SKI: variants seen among roughly 807,000 people sequenced by gnomAD.
SKI encodes SKI proto-oncogene, also known as ski oncogene.
A neutral mutation model predicts 59.3 loss-of-function variants in SKI; 23 were observed. The ratio of observed to expected loss-of-function variants is 0.39; its 90% CI spans 0.28 to 0.55. SKI has a LOEUF of 0.55. Among genes scored for constraint, SKI ranks in the 20% least tolerant of loss-of-function variants. SKI has a pLI of 0.67. For missense variants in SKI, 1,017 were observed against 1,038.9 expected, an observed-to-expected ratio of 0.98 and a Z score of 0.29; for synonymous variants, 673 against 488.6, an observed-to-expected ratio of 1.38 and a Z score of -4.98.
chr1:2,258,699 C>CAT (rs1639323682), intron 1 of SKI, among the ~76,000 whole-genome samples: 1 of 151,992 alleles, frequency 6.6e-6, no homozygotes, highest in South Asian at 2.1e-4. Flanking sequence ...GGATTATAGG[C>CAT]GCCTGCCACC....
In SKI at chr1:2,304,570, G is replaced by T; in HGVS notation, c.1752G>T (p.Lys584Asn). The T allele has an allele frequency of 6.4e-7, 1 of 1,559,680 alleles. No individual in the cohort carries two copies. The change falls in exon 5 of 7, where the codon AAG becomes AAT. Residue 584 changes from lysine (K) to asparagine (N), a missense_variant. Transcript: ENST00000378536. Reference sequence around the variant, plus strand: ...AGCTCAGCGCAGCCCTGCAGGCCAAGCGCAGCCTCCACCAGGTGAGCGGGG... The same window carrying T: ...AGCTCAGCGCAGCCCTGCAGGCCAATCGCAGCCTCCACCAGGTGAGCGGGG... ...EEKLSAALQAKRSLHQELEFL... is the reference protein window; with the variant it reads ...EEKLSAALQANRSLHQELEFL...
chr1:2,241,205 G>A (rs1351443535), intron 1 of SKI, among the ~76,000 whole-genome samples: 1 of 152,224 alleles, frequency 6.6e-6, no homozygotes, highest in African/African-American at 2.4e-5. Flanking sequence ...TCATTTTACT[G>A]TCATTATGAA....
At chr1:2,299,706 T>TC (rs1640377346) in intron 1 of SKI, among the ~76,000 whole-genome samples, 2 of 152,164 alleles carry the variant, frequency 1.3e-5, no homozygotes, top group South Asian at 4.1e-4. Context: ...ACCTCCAGAC[T>TC]CCCTTTCCTT....
In SKI at chr1:2,304,398, ATGC is replaced by A. The variant is rs863223725; in HGVS notation, c.1584_1586del (p.Ala530del). On this transcript the variant is annotated inframe_deletion, in exon 5 of 7. Coordinates refer to ENST00000378536, the MANE Select transcript of SKI (RefSeq NM_003036.4). ...CGTGCCCTGCCCTCGGCCGTCCCTG[ATGC>A]TGCGGCCCCTGCCGACGCCCCCAGT... 17 of 1,552,824 alleles carry A rather than the reference ATGC, an allele frequency of 1.1e-5. No homozygotes were observed. The highest frequency in any genetic ancestry group is 1.5e-5 in the Non-Finnish European group (17 of 1,148,244).
chr1:2,241,973 C>T (rs917537084), intron 1 of SKI, among the ~76,000 whole-genome samples: 5 of 146,828 alleles, frequency 3.4e-5, no homozygotes, highest in African/African-American at 7.5e-5. Context: ...GTGTGTGTGC[C>T]TGTGTGTGCC....
At chr1:2,294,235 C>T (rs1640233983) in intron 1 of SKI, among the ~76,000 whole-genome samples, 1 of 152,236 alleles carries the variant, frequency 6.6e-6, no homozygotes, top group African/African-American at 2.4e-5. Context: ...CTGTGAGTCA[C>T]AGCCAGGATG....
chr1:2,299,742 G>A (rs540527981), intron 1 of SKI, among the ~76,000 whole-genome samples: 4 of 152,270 alleles, frequency 2.6e-5, no homozygotes, highest in African/African-American at 9.6e-5. Flanking sequence ...CCAGCGTTTC[G>A]CCCTGAGCAT....
At chr1:2,246,387 T>C (rs1638995294) in intron 1 of SKI, among the ~76,000 whole-genome samples, 1 of 152,190 alleles carries the variant, frequency 6.6e-6, no homozygotes, top group Non-Finnish European at 1.5e-5. Context: ...GGGCCTTTGC[T>C]CAGTTGTACG....
chr1:2,303,093 C>G lies in SKI; in HGVS notation c.1085C>G (p.Ser362Cys). 1 of 1,613,390 alleles carries G rather than the reference C, an allele frequency of 6.2e-7. No individual in the cohort carries two copies. Among genetic ancestry groups the G allele is most frequent in the Non-Finnish European group, 8.5e-7 (1 of 1,180,026 alleles). The change falls in exon 2 of 7, where the codon TCT (serine) becomes TGT (cysteine). Residue 362 changes from serine to cysteine, a missense_variant. By Grantham distance (112) the Ser-to-Cys change is moderately radical. Coordinates refer to ENST00000378536, the MANE Select transcript of SKI (RefSeq NM_003036.4). The surrounding 1 kb of genome is among the most constrained non-coding windows in gnomAD (Gnocchi z 5.6). Reference sequence around the variant, plus strand: ...AGCTGGCTGCGGACCTTGGCCGGCTCTTCCAATAAGGTGCTGTGGGGCCTG... The same window carrying G: ...AGCTGGCTGCGGACCTTGGCCGGCTGTTCCAATAAGGTGCTGTGGGGCCTG... ...PSSWLRTLAG[S>C]SNKSLGCVHP...
At chr1:2,247,336 G>A (rs1233148336) in intron 1 of SKI, among the ~76,000 whole-genome samples, 1 of 152,246 alleles carries the variant, frequency 6.6e-6, no homozygotes, top group Non-Finnish European at 1.5e-5. Flanking sequence ...TGGAGCCAGG[G>A]AAGGGCAGCG....
chr1:2,245,070 C>T (rs968536412), intron 1 of SKI, among the ~76,000 whole-genome samples: 1 of 152,134 alleles, frequency 6.6e-6, no homozygotes, highest in South Asian at 2.1e-4. Context: ...AGCCTTTGTC[C>T]CCATGAGACA....
chr1:2,251,776 C>T (rs939500861), intron 1 of SKI, among the ~76,000 whole-genome samples: 11 of 152,236 alleles, frequency 7.2e-5, no homozygotes, highest in African/African-American at 2.4e-4. Context: ...AAATGAACCG[C>T]AAAGTATTTC....
At chr1:2,300,965 G>A (rs547810420) in intron 1 of SKI, among the ~76,000 whole-genome samples, 6 of 152,350 alleles carry the variant, frequency 3.9e-5, no homozygotes, top group Admixed American at 2.0e-4. Flanking sequence ...GTTCTCAGGC[G>A]TTGGCTCTCA....
intron 1 of SKI, among the ~76,000 whole-genome samples, chr1:2,282,803 C>T (rs1007477663): frequency 1.3e-5 from 2 of 152,166 alleles, no homozygotes; most frequent in African/African-American, 2.4e-5. Flanking sequence ...GTCCTTGGCG[C>T]CCAGCACATG....
At chr1:2,259,441 A>G (rs1639337433) in intron 1 of SKI, among the ~76,000 whole-genome samples, 1 of 152,222 alleles carries the variant, frequency 6.6e-6, no homozygotes, top group African/African-American at 2.4e-5. Context: ...TCATGCCACC[A>G]GTTTACCTTT....
chr1:2,275,224 G>C (rs1014517451), intron 1 of SKI, among the ~76,000 whole-genome samples: 1 of 152,192 alleles, frequency 6.6e-6, no homozygotes, highest in African/African-American at 2.4e-5. Flanking sequence ...AAGGAACATC[G>C]GGCCCCTGAG....
chr1:2,303,252 T>C lies in SKI; in HGVS notation c.1096-33T>C, dbSNP rs753543014. 1.2e-6 allele frequency: 2 copies of C among 1,608,770 alleles called. No homozygotes were observed. Among genetic ancestry groups the C allele is most frequent in the South Asian group, 1.1e-5 (1 of 90,996 alleles). Reference sequence around the variant, plus strand: ...GACATGAAGTGGCTTGTTTTTCTCCTGGTCACTCACACAGACAACTCTTTC... The same window carrying C: ...GACATGAAGTGGCTTGTTTTTCTCCCGGTCACTCACACAGACAACTCTTTC... On this transcript the variant is annotated intron_variant, in intron 2 of 6. Transcript: ENST00000378536. This position sits in a 1 kb window ranked among gnomAD's most constrained non-coding sequence, Gnocchi z 5.6.
intron 1 of SKI, among the ~76,000 whole-genome samples, chr1:2,230,854 C>T (rs547851524): frequency 6.6e-6 from 1 of 152,270 alleles, no homozygotes; most frequent in African/African-American, 2.4e-5. Flanking sequence ...TGCTCCAGCC[C>T]GGTTTTCTCT....
At chr1:2,237,274 C>T (rs58949163) in intron 1 of SKI, among the ~76,000 whole-genome samples, 20,407 of 152,172 alleles carry the variant, frequency 0.13, 1,665 homozygotes, top group African/African-American at 0.22. Context: ...GCGGTGCTGG[C>T]GCTGCCTCTG....
Sources: allele counts gnomAD v4.1 joint callset (sites outside exome capture counted in the v4.1 genomes callset), GRCh38; gene constraint gnomAD v4.1.1; non-coding constraint Gnocchi (gnomAD v3.1); transcripts MANE v1.5; gene names NCBI Gene and HGNC (gene_info 2026-07-23, HGNC 2026-07-21).